SENP6: variants seen among roughly 807,000 people sequenced by gnomAD.
The protein encoded by SENP6 is sentrin-specific protease 6.
A neutral mutation model predicts 134.5 loss-of-function variants in SENP6; 41 were observed. That is an observed-to-expected ratio of 0.30 (90% confidence interval 0.24 to 0.40). SENP6 has a LOEUF of 0.40. Ranked by LOEUF, SENP6 falls within the 10% of genes least tolerant of loss-of-function variation. The pLI, the probability that SENP6 is intolerant of heterozygous loss-of-function variation, is 1.00. For synonymous variants in SENP6, 395 were observed against 429.8 expected (o/e 0.92, Z 1.00); for missense variants, 1,248 against 1,312.5 (o/e 0.95, Z 0.76).
rs772901461 is a variant in SENP6 at position 75,717,440 on chromosome 6, G to T, written c.*1846G>T. On this transcript the variant is annotated 3_prime_UTR_variant, in exon 24 of 24. Transcript: ENST00000447266. ...CCCTTGTACCAACTCAAGTCAATCA[G>T]ATTTTAACATGAAAAATATAGATTA... 1.3e-5 allele frequency: 2 copies of T among 152,014 alleles called. No homozygotes were observed. The highest frequency in any genetic ancestry group is 6.6e-5 in the Admixed American group (1 of 15,262). The allele number at this position is 152,014 out of a possible 1,614,324, so 9.4% of individuals were successfully genotyped here.
Position 75,713,494 on chromosome 6 carries a change from G to A in SENP6, c.2910-19G>A, listed in dbSNP as rs891840116. On this transcript the variant is annotated intron_variant, in intron 21 of 23. Transcript: ENST00000447266. ...TAATATTATGAAGTATTCGACTTTTGGTCATTTTTACCCTGCAGACCTTGT... is the reference window on the plus strand; with the variant it reads ...TAATATTATGAAGTATTCGACTTTTAGTCATTTTTACCCTGCAGACCTTGT... The A allele has an allele frequency of 6.3e-7, 1 of 1,597,726 alleles. No individual in the cohort carries two copies. Among genetic ancestry groups the A allele is most frequent in the Non-Finnish European group, 8.5e-7 (1 of 1,169,706 alleles).
rs1348681483 is a variant in SENP6 at position 75,706,984 on chromosome 6, A to G, written c.2717-2543A>G. Among the ~76,000 whole-genome samples, 14 of 152,338 alleles carry G rather than the reference A, an allele frequency of 9.2e-5. No individual in the cohort carries two copies. In the East Asian group the frequency reaches 2.5e-3, roughly 27 times the overall value. ...CTCAACATCTTCACATGGTCTCCTT[A>G]TATGAGAAGTTCTCAGGAACTGACA... On this transcript the variant is annotated intron_variant, in intron 19 of 23. Transcript: ENST00000447266.
chr6:75,715,388 C>A lies in SENP6; in HGVS notation c.3133C>A (p.Pro1045Thr). The part of the protein sequence containing the change: ...LQYVESFFEN[P>T]ILSFELPMNL... ...ACGCATTTAATTGTATTTTCAGAAT[C>A]CAATTCTCAGTTTTGAACTACCTAT... Residue 1045 changes from proline (P) to threonine (T), a missense_variant, in exon 24 of 24, where the codon CCA becomes ACA. By Grantham distance (38) the Pro-to-Thr change is conservative (BLOSUM62 -1). Around this residue, in one of 3 missense-constraint regions of SENP6, gnomAD observed 386 missense variants for 395.0 expected, o/e 0.98. Coordinates refer to ENST00000447266, the MANE Select transcript of SENP6 (RefSeq NM_015571.4). The A allele has an allele frequency of 1.3e-6, 2 of 1,596,864 alleles. No homozygotes were observed. Among genetic ancestry groups the A allele is most frequent in the Non-Finnish European group, 1.7e-6 (2 of 1,168,260 alleles).
chr6:75,633,577 A>G lies in SENP6; in HGVS notation c.208-4A>G, dbSNP rs1365780134. The G allele has an allele frequency of 1.3e-6, 2 of 1,582,982 alleles. No individual in the cohort carries two copies. The highest frequency in any genetic ancestry group is 1.7e-6 in the Non-Finnish European group (2 of 1,169,606). On this transcript the variant is annotated splice_polypyrimidine_tract_variant and splice_region_variant and intron_variant, in intron 3 of 23. Transcript: ENST00000447266. ...GACTCATATTTCTGGATCTTTTTTT[A>G]CAGTTAAATCGTCGATCTGAAATTG...
At chr6:75,687,530 G>T (rs1773932574) in intron 16 of SENP6, among the ~76,000 whole-genome samples, 1 of 152,182 alleles carries the variant, frequency 6.6e-6, no homozygotes, top group Non-Finnish European at 1.5e-5. Context: ...CCCCATCTTT[G>T]TGGTTTTATC....
chr6:75,708,941 A>G (rs1022379201), intron 19 of SENP6, among the ~76,000 whole-genome samples: 2 of 152,154 alleles, frequency 1.3e-5, no homozygotes, highest in Non-Finnish European at 2.9e-5. Flanking sequence ...ATGGTAGTAA[A>G]TCTTACATTT....
chr6:75,618,485 A>T (rs994379887), intron 1 of SENP6, among the ~76,000 whole-genome samples: 6 of 152,108 alleles, frequency 3.9e-5, no homozygotes, highest in African/African-American at 1.4e-4. Flanking sequence ...CCAGGTTCAT[A>T]TTGGTGTTTT....
chr6:75,696,379 T>A (rs1359756643), intron 17 of SENP6, among the ~76,000 whole-genome samples: 2 of 152,216 alleles, frequency 1.3e-5, no homozygotes, highest in Non-Finnish European at 2.9e-5. Context: ...TCATCCATAA[T>A]ATCTAAGAAA....
intron 2 of SENP6, chr6:75,622,844 GA>G (rs1561974733): frequency 1.6e-6 from 2 of 1,282,456 alleles, no homozygotes; most frequent in Non-Finnish European, 2.0e-6. Context: ...TTATTTGAAG[GA>G]GAGCTTTGAA....
At chr6:75,652,683 CAAAAAAAA>C (rs71002754) in intron 7 of SENP6, among the ~76,000 whole-genome samples, 17 of 75,864 alleles carry the variant, frequency 2.2e-4, no homozygotes, top group Admixed American at 7.9e-4. Context: ...CTAAAAATCT[CAAAAAAAA>C]AAAAAAAAAA....
At chr6:75,693,198 G>A (rs1204986568) in intron 16 of SENP6, among the ~76,000 whole-genome samples, 3 of 151,866 alleles carry the variant, frequency 2.0e-5, no homozygotes, top group East Asian at 1.9e-4. Flanking sequence ...AATGGAGTTC[G>A]AGACCAACCT....
intron 6 of SENP6, 194 bp from the exon 7 acceptor site, chr6:75,647,537 T>TA (rs1204369807): frequency 2.7e-6 from 1 of 376,798 alleles, no homozygotes; most frequent in African/African-American, 2.1e-5. Context: ...TTTAAACAAC[T>TA]AAAAAATACA....
intron 1 of SENP6, among the ~76,000 whole-genome samples, chr6:75,615,528 T>C (rs6913513): frequency 0.24 from 37,044 of 152,182 alleles, 5,913 homozygotes; most frequent in Non-Finnish European, 0.37. Context: ...ATTACATTTA[T>C]GATTTTCAAA....
chr6:75,691,059 G>T (rs1774211628), intron 16 of SENP6, among the ~76,000 whole-genome samples: 1 of 148,744 alleles, frequency 6.7e-6, no homozygotes, highest in Admixed American at 6.7e-5. Context: ...GCCCAGGCTG[G>T]TCTCAAATTT....
chr6:75,631,866 C>T, intron 3 of SENP6, among the ~76,000 whole-genome samples: 1 of 152,168 alleles, frequency 6.6e-6, no homozygotes, highest in East Asian at 1.9e-4. Context: ...CTTAAAGACT[C>T]CCAGTGAATG....
chr6:75,612,876 G>T (rs1767563611), intron 1 of SENP6, among the ~76,000 whole-genome samples: 1 of 152,100 alleles, frequency 6.6e-6, no homozygotes, highest in Admixed American at 6.6e-5. Flanking sequence ...CACTTTGGGA[G>T]GCCAAAACAG....
intron 3 of SENP6, among the ~76,000 whole-genome samples, chr6:75,628,241 T>C: frequency 6.6e-6 from 1 of 152,128 alleles, no homozygotes; most frequent in Non-Finnish European, 1.5e-5. Context: ...TGATATACTT[T>C]TATGTAATTG....
Position 75,710,895 on chromosome 6 carries a change from C to T in SENP6, c.2821-433C>T, listed in dbSNP as rs186535958. 2.6e-3 allele frequency among the ~76,000 whole-genome samples: 390 copies of T among 152,170 alleles called. 1 individual carries two copies. Among genetic ancestry groups the T allele is most frequent in the African/African-American group, 8.8e-3 (364 of 41,534 alleles). ...CAAGGAAAACAGTGTTTCCAAAAAC[C>T]CTTTAAATATTTCTGATGTGAAAAC... On this transcript the variant is annotated intron_variant, in intron 20 of 23. Coordinates refer to ENST00000447266, the MANE Select transcript of SENP6 (RefSeq NM_015571.4).
chr6:75,687,320 G>C (rs1380167654), intron 16 of SENP6, among the ~76,000 whole-genome samples: 2 of 152,064 alleles, frequency 1.3e-5, no homozygotes, highest in Non-Finnish European at 2.9e-5. Context: ...ATGGTGTTTA[G>C]CTTCCTTGCG....
Sources: gnomAD v4.1 joint callset for allele counts (sites outside exome capture counted in the v4.1 genomes callset) on GRCh38, gnomAD v4.1.1 for gene constraint, gnomAD v4.1.1 regional missense constraint, MANE v1.5 for transcripts, NCBI Gene and HGNC (gene_info 2026-07-23, HGNC 2026-07-21) for gene names.